STPG2: variants seen among roughly 807,000 people sequenced by gnomAD.
STPG2 encodes sperm-tail PG-rich repeat-containing protein 2.
Under a neutral mutation model 54.2 loss-of-function variants are expected in STPG2, and 56 were observed. The ratio of observed to expected loss-of-function variants is 1.03; its 90% CI spans 0.83 to 1.29. The LOEUF (loss-of-function observed/expected upper bound fraction) is 1.29, where lower values mean the gene tolerates loss of function less well. STPG2 is among the 50% of genes most tolerant of loss of function. The pLI is 0.00. For synonymous variants in STPG2, 200 were observed against 181.8 expected, an observed-to-expected ratio of 1.10 and a Z score of -0.81; for missense variants, 596 against 544.9, an observed-to-expected ratio of 1.09 and a Z score of -0.93.
At chr4:97,528,891 A>G (rs1384354458) in intron 4 of STPG2, among the ~76,000 whole-genome samples, 8 of 152,142 alleles carry the variant, frequency 5.3e-5, no homozygotes, top group Non-Finnish European at 1.2e-4. Flanking sequence ...GGCTGAGATG[A>G]TGGAGTTTTC....
At chr4:98,045,633 A>T (rs1189167255) in intron 5 of STPG2, among the ~76,000 whole-genome samples, 1 of 151,868 alleles carries the variant, frequency 6.6e-6, no homozygotes, top group Non-Finnish European at 1.5e-5. Flanking sequence ...GGGGGTGACC[A>T]TTTTTTTCTT....
chr4:97,729,489 C>T (rs767431423), intron 9 of STPG2, among the ~76,000 whole-genome samples: 4 of 152,218 alleles, frequency 2.6e-5, no homozygotes, highest in Non-Finnish European at 2.9e-5. Context: ...ATTTTGTCAA[C>T]GGTTATCAAA....
intron 3 of STPG2, among the ~76,000 whole-genome samples, chr4:98,119,885 C>A (rs961055300): frequency 1.3e-5 from 2 of 152,098 alleles, no homozygotes; most frequent in Admixed American, 6.5e-5. Context: ...GCTTCCAGCT[C>A]CATCCATGTC....
At chr4:97,929,104 G>A (rs1732442847) in intron 8 of STPG2, among the ~76,000 whole-genome samples, 1 of 152,028 alleles carries the variant, frequency 6.6e-6, no homozygotes, top group Non-Finnish European at 1.5e-5. Flanking sequence ...CTATCATTTA[G>A]CTCCCACTTG....
At chr4:97,714,411 G>T (rs1724225933) in intron 9 of STPG2, among the ~76,000 whole-genome samples, 1 of 152,026 alleles carries the variant, frequency 6.6e-6, no homozygotes, top group Non-Finnish European at 1.5e-5. Flanking sequence ...AATGTGTTTT[G>T]ATACATCAAG....
chr4:97,698,874 T>C (rs1723673941), intron 10 of STPG2, among the ~76,000 whole-genome samples: 1 of 152,192 alleles, frequency 6.6e-6, no homozygotes, highest in Admixed American at 6.5e-5. Flanking sequence ...ATGAGCCCAC[T>C]GCCACACTTC....
chr4:97,675,702 T>C (rs1052085144), intron 10 of STPG2, among the ~76,000 whole-genome samples: 1 of 151,482 alleles, frequency 6.6e-6, no homozygotes, highest in African/African-American at 2.4e-5. Flanking sequence ...TGCGCGCGCG[T>C]GCTTTATATA....
intron 8 of STPG2, among the ~76,000 whole-genome samples, chr4:97,880,396 G>A (rs113867756): frequency 0.018 from 2,805 of 152,202 alleles, 75 homozygotes; most frequent in African/African-American, 0.063. Context: ...ATAGAAAGTC[G>A]TACAGAATGA....
At chr4:97,923,618 A>G (rs1349025591) in intron 8 of STPG2, among the ~76,000 whole-genome samples, 1 of 151,970 alleles carries the variant, frequency 6.6e-6, no homozygotes, top group African/African-American at 2.4e-5. Context: ...AGGTTTGTAA[A>G]TGCACCAATC....
intron 10 of STPG2, among the ~76,000 whole-genome samples, chr4:97,683,634 C>T (rs1723098496): frequency 1.3e-5 from 2 of 151,648 alleles, no homozygotes; most frequent in South Asian, 4.1e-4. Flanking sequence ...TGAAAAATAA[C>T]ATCTACAAAA....
At chr4:98,058,449 C>CA (rs1239896619) in intron 5 of STPG2, among the ~76,000 whole-genome samples, 2 of 152,006 alleles carry the variant, frequency 1.3e-5, no homozygotes, top group African/African-American at 4.8e-5. Context: ...CAATAAATAT[C>CA]AAAAAATACA....
At chr4:97,509,829 T>C (rs1730933786) in intron 4 of STPG2, among the ~76,000 whole-genome samples, 1 of 152,044 alleles carries the variant, frequency 6.6e-6, no homozygotes, top group Admixed American at 6.6e-5. Flanking sequence ...CGGGTAAAAA[T>C]GTTATTCAAT....
intron 5 of STPG2, among the ~76,000 whole-genome samples, chr4:97,997,114 T>C (rs1735265190): frequency 6.6e-6 from 1 of 152,226 alleles, no homozygotes; most frequent in African/African-American, 2.4e-5. Context: ...ATATAAATCA[T>C]TCTACTATGA....
At chr4:98,024,748 G>A (rs1736359385) in intron 5 of STPG2, among the ~76,000 whole-genome samples, 1 of 152,120 alleles carries the variant, frequency 6.6e-6, no homozygotes, top group African/African-American at 2.4e-5. Flanking sequence ...CTTTCACTGT[G>A]CTTTCTCTCA....
chr4:97,788,612 T>C (rs1240567676), intron 9 of STPG2, among the ~76,000 whole-genome samples: 5 of 152,120 alleles, frequency 3.3e-5, no homozygotes, highest in African/African-American at 1.2e-4. Flanking sequence ...TGCTAGATCA[T>C]ATAGTAGTTC....
At chr4:97,769,652 A>G (rs1175820364) in intron 9 of STPG2, among the ~76,000 whole-genome samples, 1 of 151,616 alleles carries the variant, frequency 6.6e-6, no homozygotes, top group Non-Finnish European at 1.5e-5. Flanking sequence ...CAATTATTTT[A>G]TATATATATA....
intron 10 of STPG2, among the ~76,000 whole-genome samples, chr4:97,613,430 T>C (rs1162766359): frequency 6.6e-6 from 1 of 151,696 alleles, no homozygotes; most frequent in Non-Finnish European, 1.5e-5. Flanking sequence ...AGAAAGTACA[T>C]GATAACTTTA....
chr4:97,516,640 T>C (rs1731081385), intron 4 of STPG2, among the ~76,000 whole-genome samples: 1 of 151,818 alleles, frequency 6.6e-6, no homozygotes. Context: ...CTGGACAACA[T>C]GGGGAAAACC....
intron 8 of STPG2, among the ~76,000 whole-genome samples, chr4:97,926,736 T>C (rs888857993): frequency 6.6e-6 from 1 of 152,088 alleles, no homozygotes; most frequent in Non-Finnish European, 1.5e-5. Flanking sequence ...AATTTTAACA[T>C]GTTCTTCATT....
Sources: gnomAD v4.1 joint callset for allele counts (sites outside exome capture counted in the v4.1 genomes callset) on GRCh38, gnomAD v4.1.1 for gene constraint, MANE v1.5 for transcripts, NCBI Gene and HGNC (gene_info 2026-07-23, HGNC 2026-07-21) for gene names.